IKZF2: variants seen among roughly 807,000 people sequenced by gnomAD.
IKZF2 encodes the protein IKAROS family zinc finger 2, also known as zinc finger protein Helios.
Under a neutral mutation model 49.2 loss-of-function variants are expected in IKZF2, and 15 were observed. That is an observed-to-expected ratio of 0.30 (90% confidence interval 0.20 to 0.47). IKZF2 has a LOEUF of 0.47. Ranked by LOEUF, IKZF2 falls within the 20% of genes least tolerant of loss-of-function variation. IKZF2 has a pLI of 1.00. For synonymous variants in IKZF2, 227 were observed against 221.4 expected (o/e 1.03, Z -0.23); for missense variants, 567 against 664.6 (o/e 0.85, Z 1.61).
At chr2:213,097,521 A>G (rs76519189) in intron 4 of IKZF2, among the ~76,000 whole-genome samples, 2,152 of 152,162 alleles carry the variant, frequency 0.014, 43 homozygotes, top group African/African-American at 0.049. Flanking sequence ...AAACCTTCAC[A>G]TTTAGCCTTT....
chr2:213,031,408 A>G (rs1231524161), intron 6 of IKZF2, among the ~76,000 whole-genome samples: 1 of 152,224 alleles, frequency 6.6e-6, no homozygotes, highest in Non-Finnish European at 1.5e-5. Context: ...TGTATATAAA[A>G]AAGTATGTAT....
At chr2:213,097,917 G>A (rs1455365681) in intron 4 of IKZF2, 1 of 242,420 alleles carries the variant, frequency 4.1e-6, no homozygotes, top group Non-Finnish European at 8.6e-6. Flanking sequence ...AGGAACAGAA[G>A]TATATCAAAG....
intron 4 of IKZF2, among the ~76,000 whole-genome samples, chr2:213,092,227 C>A (rs7579457): frequency 6.6e-6 from 1 of 151,860 alleles, no homozygotes; most frequent in Non-Finnish European, 1.5e-5. Context: ...TGAGATCTCC[C>A]TATGTTGCCC....
chr2:213,113,731 G>GT (rs1559291072), intron 4 of IKZF2, among the ~76,000 whole-genome samples: 3 of 152,000 alleles, frequency 2.0e-5, no homozygotes, highest in African/African-American at 4.8e-5. Flanking sequence ...TGGCACATAC[G>GT]TTTTTTCTAA....
intron 6 of IKZF2, among the ~76,000 whole-genome samples, chr2:213,029,627 G>A (rs1367952707): frequency 2.0e-5 from 3 of 151,792 alleles, no homozygotes; most frequent in Non-Finnish European, 2.9e-5. Context: ...TGCCCAACAA[G>A]GCATACCATC....
intron 4 of IKZF2, among the ~76,000 whole-genome samples, chr2:213,124,249 CGCGCACACACACA>C (rs2060166920): frequency 9.9e-6 from 1 of 100,624 alleles, no homozygotes; most frequent in South Asian, 3.5e-4. Flanking sequence ...CTCGCGCGCG[CGCGCACACACACA>C]CACACACACA....
At chr2:213,139,948 C>T (rs1055557782) in intron 4 of IKZF2, among the ~76,000 whole-genome samples, 7 of 151,930 alleles carry the variant, frequency 4.6e-5, no homozygotes, top group Non-Finnish European at 7.4e-5. Flanking sequence ...AGCAGTATTA[C>T]GATCTCACAC....
intron 6 of IKZF2, among the ~76,000 whole-genome samples, chr2:213,045,977 AT>A (rs1198337427): frequency 6.6e-6 from 1 of 152,178 alleles, no homozygotes; most frequent in Non-Finnish European, 1.5e-5. Flanking sequence ...AGATGCAATG[AT>A]TTTTGGAAAT....
chr2:213,018,145 A>T (rs1379016283), intron 7 of IKZF2, among the ~76,000 whole-genome samples: 1 of 152,170 alleles, frequency 6.6e-6, no homozygotes, highest in Admixed American at 6.6e-5. Flanking sequence ...GTAATAACAT[A>T]GTTTGATTTT....
At chr2:213,074,164 TAA>T (rs767010143) in intron 4 of IKZF2, among the ~76,000 whole-genome samples, 5 of 152,178 alleles carry the variant, frequency 3.3e-5, no homozygotes, top group Non-Finnish European at 7.4e-5. Context: ...CATATAAAAC[TAA>T]GTCAAGGAAA....
intron 4 of IKZF2, among the ~76,000 whole-genome samples, chr2:213,076,817 G>T (rs1215341201): frequency 2.0e-5 from 3 of 152,114 alleles, no homozygotes. Flanking sequence ...GCAGGAGAAG[G>T]GCGTGAACCC....
At chr2:213,113,534 C>T (rs1337918232) in intron 4 of IKZF2, among the ~76,000 whole-genome samples, 3 of 152,096 alleles carry the variant, frequency 2.0e-5, no homozygotes, top group Non-Finnish European at 4.4e-5. Flanking sequence ...GGTATTAAAA[C>T]CTCTAGTAAA....
chr2:213,120,074 G>A (rs937934454), intron 4 of IKZF2, among the ~76,000 whole-genome samples: 1 of 152,148 alleles, frequency 6.6e-6, no homozygotes, highest in Non-Finnish European at 1.5e-5. Context: ...CTTCATGAAA[G>A]TTCATTCACT....
chr2:213,016,182 T>A (rs1241746155), intron 7 of IKZF2, among the ~76,000 whole-genome samples: 1 of 152,152 alleles, frequency 6.6e-6, no homozygotes, highest in Non-Finnish European at 1.5e-5. Context: ...AGGCTTTGCA[T>A]TTAATAATTA....
intron 4 of IKZF2, among the ~76,000 whole-genome samples, chr2:213,065,125 G>T (rs2125442627): frequency 6.6e-6 from 1 of 151,920 alleles, no homozygotes; most frequent in Middle Eastern, 3.4e-3. Flanking sequence ...TACTTACTAG[G>T]TTTTTTTGTT....
At chr2:213,106,110 A>G (rs566640582) in intron 4 of IKZF2, among the ~76,000 whole-genome samples, 15 of 152,286 alleles carry the variant, frequency 9.8e-5, no homozygotes, top group Middle Eastern at 3.4e-3. Flanking sequence ...CTTTATTTAA[A>G]TTGTCAGACT....
chr2:213,140,779 A>G, intron 4 of IKZF2, among the ~76,000 whole-genome samples: 1 of 151,986 alleles, frequency 6.6e-6, no homozygotes, highest in East Asian at 1.9e-4. Flanking sequence ...TCAATATAGA[A>G]TTTTGATTTA....
rs1160175610 is a variant in IKZF2, at chr2:213,136,387, A to AAAAAG, written c.139+11316_139+11320dup. On this transcript the variant is annotated intron_variant, in intron 4 of 8. Coordinates refer to ENST00000434687, the MANE Select transcript of IKZF2 (RefSeq NM_001387220.1). ...CACTGTCTCAAAAAAAAAAAAAAAA[A>AAAAAG]AAAAGAAAAAGAAAAAGAAAAGAAA... is the stretch of plus-strand genomic sequence containing the variant. Among the ~76,000 whole-genome samples, 451 of 99,804 alleles carry AAAAAG rather than the reference A, an allele frequency of 4.5e-3. 5 individuals are homozygous for AAAAAG. The highest frequency in any genetic ancestry group is 0.011 in the African/African-American group (380 of 34,682). 65.5% of individuals were successfully genotyped at this position (99,804 alleles called of 152,430 possible).
intron 4 of IKZF2, among the ~76,000 whole-genome samples, chr2:213,100,230 T>C (rs943700937): frequency 5.9e-5 from 9 of 152,100 alleles, no homozygotes; most frequent in African/African-American, 1.9e-4. Flanking sequence ...CTATTTTTAT[T>C]ACTCTATCAA....
Sources: gnomAD v4.1 joint callset for allele counts (sites outside exome capture counted in the v4.1 genomes callset) on GRCh38, gnomAD v4.1.1 for gene constraint, MANE v1.5 for transcripts, NCBI Gene and HGNC (gene_info 2026-07-23, HGNC 2026-07-21) for gene names.